The following DIS3L2 variants were observed in gnomAD, a reference collection of about 807,000 sequenced individuals.
The protein encoded by DIS3L2 is DIS3-like exonuclease 2.
A neutral mutation model predicts 97.5 loss-of-function variants in DIS3L2; 34 were observed. The observed-to-expected ratio is 0.35, with a 90% CI of 0.27 to 0.46. The LOEUF is 0.46. DIS3L2 is among the 20% of genes least tolerant of loss of function. The pLI is 1.00. For missense variants in DIS3L2, 1,038 were observed against 1,146.0 expected (o/e 0.91, Z 1.36); for synonymous variants, 435 against 445.2 (o/e 0.98, Z 0.29).
chr2:232,315,009 CA>C (rs1396235679), intron 14 of DIS3L2, among the ~76,000 whole-genome samples: 2 of 152,198 alleles, frequency 1.3e-5, no homozygotes, highest in East Asian at 3.8e-4. Context: ...TTTGCATCCC[CA>C]GGGGGAAGCC....
intron 7 of DIS3L2, among the ~76,000 whole-genome samples, chr2:232,135,460 G>C (rs1427237058): frequency 1.3e-5 from 2 of 152,158 alleles, no homozygotes; most frequent in Non-Finnish European, 2.9e-5. Context: ...TTACATGCAA[G>C]GGAGTGGCGA....
At chr2:232,264,999 A>AC (rs1194582144) in intron 13 of DIS3L2, among the ~76,000 whole-genome samples, 1 of 152,252 alleles carries the variant, frequency 6.6e-6, no homozygotes, top group African/African-American at 2.4e-5. Context: ...AAGACAGCAG[A>AC]CATGGTGGAA....
At chr2:232,311,168 C>T (rs1695119551) in intron 14 of DIS3L2, among the ~76,000 whole-genome samples, 1 of 152,166 alleles carries the variant, frequency 6.6e-6, no homozygotes, top group Non-Finnish European at 1.5e-5. Context: ...GGGGGAGCCG[C>T]AAAAATCGGC....
intron 6 of DIS3L2, among the ~76,000 whole-genome samples, chr2:232,122,653 A>G (rs1336689979): frequency 1.3e-5 from 2 of 151,990 alleles, no homozygotes; most frequent in African/African-American, 2.4e-5. Flanking sequence ...GGGAGGCAGA[A>G]TTTGCAGTGA....
intron 13 of DIS3L2, among the ~76,000 whole-genome samples, chr2:232,271,916 A>G (rs1420331089): frequency 1.3e-5 from 2 of 152,234 alleles, no homozygotes; most frequent in African/African-American, 4.8e-5. Context: ...ATGGTTATGC[A>G]TCCCAAGGCA....
chr2:232,252,636 C>A (rs912603210), intron 12 of DIS3L2, among the ~76,000 whole-genome samples: 1 of 152,208 alleles, frequency 6.6e-6, no homozygotes, highest in African/African-American at 2.4e-5. Flanking sequence ...CACAGTGGCT[C>A]ACGCCTGTAG....
rs1574947669 is a variant in DIS3L2 at position 232,210,357 on chromosome 2, A to G, written c.1156A>G (p.Thr386Ala). 1 of 1,613,674 alleles carries G rather than the reference A, an allele frequency of 6.2e-7. No individual in the cohort carries two copies. The highest frequency in any genetic ancestry group is 1.1e-5 in the South Asian group (1 of 91,070). The change falls in exon 10 of 21, where the codon ACC becomes GCC. Residue 386 changes from threonine to alanine, a missense_variant. Coordinates refer to ENST00000325385, the MANE Select transcript of DIS3L2 (RefSeq NM_152383.5). ...KDCIFTIDPSTARDLDDALSC... is the reference protein window; with the variant it reads ...KDCIFTIDPSAARDLDDALSC... ...CTGTATCTTCACCATTGACCCATCAACCGCCCGAGACCTCGATGATGCCCT... is the reference window on the plus strand; with the variant it reads ...CTGTATCTTCACCATTGACCCATCAGCCGCCCGAGACCTCGATGATGCCCT...
chr2:232,329,785 T>TACCCGGGGGGGGGCCC, intron 14 of DIS3L2, 28 bp from the exon 15 acceptor site: 1 of 967,144 alleles, frequency 1.0e-6, no homozygotes, highest in Non-Finnish European at 1.5e-6. Flanking sequence ...ACCCCAGCGG[T>TACCCGGGGGGGGGCCC]CCCTCCCATC....
chr2:231,996,280 T>C (rs1693728679), intron 1 of DIS3L2, among the ~76,000 whole-genome samples: 1 of 152,366 alleles, frequency 6.6e-6, no homozygotes, highest in South Asian at 2.1e-4. Flanking sequence ...CTTATTTTAA[T>C]ACTGTCTAGC....
At chr2:231,963,826 C>T (rs1415577491) in intron 1 of DIS3L2, among the ~76,000 whole-genome samples, 1 of 152,140 alleles carries the variant, frequency 6.6e-6, no homozygotes, top group African/African-American at 2.4e-5. Context: ...TCAAGTGATC[C>T]TCCCACCTCA....
At chr2:231,993,817 A>C (rs1693648687) in intron 1 of DIS3L2, among the ~76,000 whole-genome samples, 1 of 151,242 alleles carries the variant, frequency 6.6e-6, no homozygotes, top group East Asian at 1.9e-4. Flanking sequence ...AACATTGTTG[A>C]ATAAGAATGT....
exon 14 of DIS3L2, chr2:232,343,509 T>G: frequency 6.4e-7 from 1 of 1,558,210 alleles, no homozygotes; most frequent in Non-Finnish European, 8.7e-7. Flanking sequence ...AACAGAGCCG[T>G]GTATTGGAAG....
At chr2:232,234,758 G>C (rs1028138315) in intron 10 of DIS3L2, among the ~76,000 whole-genome samples, 2 of 152,218 alleles carry the variant, frequency 1.3e-5, no homozygotes, top group Non-Finnish European at 2.9e-5. Flanking sequence ...GTTATCACAC[G>C]GGTGTATGTA....
intron 16 of DIS3L2, among the ~76,000 whole-genome samples, chr2:232,333,320 C>T (rs1575026761): frequency 6.7e-6 from 1 of 149,428 alleles, no homozygotes; most frequent in Non-Finnish European, 1.5e-5. Flanking sequence ...CTCCTCCTCC[C>T]CCACCCCCCG....
intron 13 of DIS3L2, among the ~76,000 whole-genome samples, chr2:232,295,813 G>A (rs1694712702): frequency 6.6e-6 from 1 of 152,168 alleles, no homozygotes; most frequent in Non-Finnish European, 1.5e-5. Context: ...AGGATTCCTT[G>A]TTTGGGAATG....
At chr2:232,253,014 G>A (rs1213002310) in intron 12 of DIS3L2, among the ~76,000 whole-genome samples, 2 of 152,194 alleles carry the variant, frequency 1.3e-5, no homozygotes, top group East Asian at 1.9e-4. Flanking sequence ...ACTATAGTTT[G>A]TGTGTCAGTT....
At chr2:232,340,851 G>A (rs774827827), downstream of DIS3L2, 41 of 471,344 alleles carry the variant, frequency 8.7e-5, no homozygotes, top group South Asian at 1.4e-4. Flanking sequence ...ATGCCTATCC[G>A]TGCACAGCCA....
Position 232,293,469 on chromosome 2 carries a change from G to A in DIS3L2, c.1660-6571G>A, listed in dbSNP as rs1694651384. On this transcript the variant is annotated intron_variant, in intron 13 of 20. Coordinates refer to ENST00000325385, the MANE Select transcript of DIS3L2 (RefSeq NM_152383.5). The surrounding 1 kb of genome is among the most constrained non-coding windows in gnomAD (Gnocchi z 4.6). Reference sequence around the variant, plus strand: ...ATCAGGGCCACTTTGACAGAGGAGGGACAGGCAGGAAGGGCTCCCCTGGAA... The same window carrying A: ...ATCAGGGCCACTTTGACAGAGGAGGAACAGGCAGGAAGGGCTCCCCTGGAA... Among the ~76,000 whole-genome samples, 1 of 152,186 alleles carries A rather than the reference G, an allele frequency of 6.6e-6. No individual in the cohort carries two copies. Among genetic ancestry groups the A allele is most frequent in the African/African-American group, 2.4e-5 (1 of 41,438 alleles).
Position 232,163,476 on chromosome 2 carries a change from T to C in DIS3L2, c.968T>C (p.Leu323Pro), listed in dbSNP as rs992969499. 1.9e-6 allele frequency: 3 copies of C among 1,614,058 alleles called. No homozygotes were observed. Among genetic ancestry groups the C allele is most frequent in the Non-Finnish European group, 2.5e-6 (3 of 1,179,970 alleles). Residue 323 changes from leucine to proline, a missense_variant, in exon 9 of 21, where the codon CTT (leucine) becomes CCT (proline). Physicochemically the swap from Leu to Pro is moderately conservative, Grantham distance 98. Transcript: ENST00000325385. Reference sequence around the variant, plus strand: ...ATCCATAGGCAGCTGGCTAAGAGTCTTGGGCAGGCTGGTGAAATTGAGCCT... The same window carrying C: ...ATCCATAGGCAGCTGGCTAAGAGTCCTGGGCAGGCTGGTGAAATTGAGCCT... Reference protein sequence around the residue: ...NFALGQLAKSLGQAGEIEPET... With the variant: ...NFALGQLAKSPGQAGEIEPET...
Sources: gnomAD v4.1 joint callset for allele counts (sites outside exome capture counted in the v4.1 genomes callset) on GRCh38, gnomAD v4.1.1 for gene constraint, Gnocchi (gnomAD v3.1) non-coding constraint, MANE v1.5 for transcripts, NCBI Gene and HGNC (gene_info 2026-07-23, HGNC 2026-07-21) for gene names.